GPAT4: variants seen among roughly 807,000 people sequenced by gnomAD.
The protein encoded by GPAT4 is glycerol-3-phosphate acyltransferase 4, also known as 1-AGP acyltransferase 6.
Under a neutral mutation model 58.0 loss-of-function variants are expected in GPAT4, and 17 were observed. The ratio of observed to expected loss-of-function variants is 0.29; its 90% CI spans 0.20 to 0.44. The LOEUF (loss-of-function observed/expected upper bound fraction) is 0.44. Among genes scored for constraint, GPAT4 ranks in the 20% least tolerant of loss-of-function variants. The probability of loss-of-function intolerance (pLI) is 1.00; values close to 1 mark genes in which losing one functional copy is unlikely to be tolerated. For missense variants in GPAT4, 377 were observed against 574.5 expected (o/e 0.66, Z 3.51); for synonymous variants, 204 against 210.1 (o/e 0.97, Z 0.25).
At chr8:41,596,304 C>CTT (rs1421940072) in intron 1 of GPAT4, among the ~76,000 whole-genome samples, 2 of 152,156 alleles carry the variant, frequency 1.3e-5, no homozygotes, top group Non-Finnish European at 2.9e-5. Flanking sequence ...CACACACACA[C>CTT]TTTTACAGTT....
chr8:41,615,575 G>A (rs757933591), intron 10 of GPAT4, among the ~76,000 whole-genome samples: 17 of 151,946 alleles, frequency 1.1e-4, no homozygotes, highest in Non-Finnish European at 2.1e-4. Flanking sequence ...TCTAGTCTAC[G>A]TCGACCCTTT....
Position 41,612,973 on chromosome 8 carries a change from A to G in GPAT4, c.911+13A>G, listed in dbSNP as rs1276967832. 1 of 1,611,452 alleles carries G rather than the reference A, an allele frequency of 6.2e-7. No homozygotes were observed. ...TGGTGGCTAAGAGGTAATGGACAGA[A>G]CACTGCTGTTCTGCTTGGCCAGTTA... On this transcript the variant is annotated intron_variant, in intron 8 of 12. Transcript: ENST00000396987.
chr8:41,582,444 T>TACACACACACAC (rs71548104), intron 1 of GPAT4, among the ~76,000 whole-genome samples: 70 of 141,710 alleles, frequency 4.9e-4, no homozygotes, highest in East Asian at 2.1e-3. Context: ...TGGGAAAGTA[T>TACACACACACAC]ACACACACAC....
intron 2 of GPAT4, among the ~76,000 whole-genome samples, chr8:41,600,721 C>G (rs1426254509): frequency 6.6e-6 from 1 of 152,068 alleles, no homozygotes; most frequent in East Asian, 1.9e-4. Context: ...TTTCATCAGT[C>G]CAAAGGAAAC....
At position 41,622,787 on chromosome 8, in the gene GPAT4, C is replaced by T. The variant is rs1288159165; in HGVS notation, c.*1786C>T. The T allele has an allele frequency of 6.6e-6, 1 of 151,156 alleles. No individual in the cohort carries two copies. The allele number at this position is 151,156 out of a possible 1,614,324, so 9.4% of individuals were successfully genotyped here. ...TGCCAGCCCGGGGGAAATCTTTTTG[C>T]TCTCAAATGAAGACTGAAAAAATAA... On this transcript the variant is annotated 3_prime_UTR_variant, in exon 13 of 13. Coordinates refer to ENST00000396987, the MANE Select transcript of GPAT4 (RefSeq NM_178819.4).
At position 41,610,806 on chromosome 8, in the gene GPAT4, G is replaced by T. The variant is rs762573991; in HGVS notation, c.607G>T (p.Gly203Trp). The change falls in exon 5 of 13, where the codon GGG becomes TGG. Residue 203 changes from glycine to tryptophan, a missense_variant. Gly to Trp is a radical substitution (Grantham distance 184). Coordinates refer to ENST00000396987, the MANE Select transcript of GPAT4 (RefSeq NM_178819.4). ...AACTGTGGTGGGATACTTGCCAAAT[G>T]GGAGGTGAGTAGAGTGTGGCAGTCC... ...GTTVVGYLPN[G>W]RFKEFMSKHV... 1 of 1,610,498 alleles carries T rather than the reference G, an allele frequency of 6.2e-7. No individual in the cohort carries two copies. The highest frequency in any genetic ancestry group is 1.3e-5 in the African/African-American group (1 of 74,842).
At chr8:41,610,192 T>A (rs1459903796) in intron 4 of GPAT4, 1 of 1,370,300 alleles carries the variant, frequency 7.3e-7, no homozygotes, top group Admixed American at 3.4e-5. Flanking sequence ...CTTCTCTAGA[T>A]GACAGCAAAC....
chr8:41,618,924 G>A lies in GPAT4; in HGVS notation c.1209G>A (p.Ala403=), dbSNP rs138474493. The change falls in exon 12 of 13, where the codon GCG becomes GCA. Residue 403 remains alanine (A), a synonymous_variant. Transcript: ENST00000396987. ...READEDAVQF[A]NRVKSAIARQ... ...CAGATGAAGATGCTGTCCAGTTTGC[G>A]AATAGGGTGAAATCTGCCATTGCCA... 404 of 1,614,092 alleles carry A rather than the reference G, an allele frequency of 2.5e-4. No homozygotes were observed. The highest frequency in any genetic ancestry group is 3.1e-4 in the Non-Finnish European group (369 of 1,180,048).
chr8:41,592,957 T>C (rs1346509051), intron 1 of GPAT4, among the ~76,000 whole-genome samples: 1 of 152,186 alleles, frequency 6.6e-6, no homozygotes, highest in African/African-American at 2.4e-5. Context: ...ATCCTTTTCA[T>C]TTTTTATCCA....
intron 10 of GPAT4, among the ~76,000 whole-genome samples, chr8:41,616,005 T>C (rs1040315782): frequency 1.3e-5 from 2 of 152,046 alleles, no homozygotes; most frequent in African/African-American, 4.8e-5. Flanking sequence ...GGGACTCTGA[T>C]TGACAGGCTA....
In GPAT4 at chr8:41,622,172, C is replaced by T. The variant is rs1803772049; in HGVS notation, c.*1171C>T. The T allele has an allele frequency of 6.6e-6, 1 of 152,036 alleles. No individual in the cohort carries two copies. 9.4% of individuals were successfully genotyped at this position (152,036 alleles called of 1,614,324 possible). On this transcript the variant is annotated 3_prime_UTR_variant, in exon 13 of 13. Coordinates refer to ENST00000396987, the MANE Select transcript of GPAT4 (RefSeq NM_178819.4). ...GTGTGTGCGGGTCGCTGATGTGAGG[C>T]CTAGGGGAAGCAATGAGTAAACTCC...
Position 41,581,805 on chromosome 8 carries a change from T to G in GPAT4, c.-849+3527T>G, listed in dbSNP as rs1412283496. Among the ~76,000 whole-genome samples, 130 of 150,860 alleles carry G rather than the reference T, an allele frequency of 8.6e-4. 2 individuals carry two copies. The highest frequency in any genetic ancestry group is 8.5e-3 in the Admixed American group (129 of 15,130). On this transcript the variant is annotated intron_variant, in intron 1 of 12. Coordinates refer to ENST00000396987, the MANE Select transcript of GPAT4 (RefSeq NM_178819.4). ...CACCACGCCCGGCTAATTTTTTTTT[T>G]GTATTTTTTAGTAGAGACAGGGTTT...
rs1168464357 is a variant in GPAT4, at chr8:41,598,332, TCA to T, written c.-806_-805del. On this transcript the variant is annotated 5_prime_UTR_variant, in exon 2 of 13. Transcript: ENST00000396987. ...AGCAGCTGTTTGCCAAGAACCCAGGTCACTGCTAAGAAAGGGTGCCTTCGGGA... is the reference window on the plus strand; with the variant it reads ...AGCAGCTGTTTGCCAAGAACCCAGGTCTGCTAAGAAAGGGTGCCTTCGGGA... 1 of 152,258 alleles carries T rather than the reference TCA, an allele frequency of 6.6e-6. No homozygotes were observed. Among genetic ancestry groups the T allele is most frequent in the Non-Finnish European group, 1.5e-5 (1 of 68,074 alleles). The allele number at this position is 152,258 out of a possible 1,614,324, so 9.4% of individuals were successfully genotyped here. A position where few individuals can be genotyped will look rare whatever the true frequency, so the allele number is the denominator to read the frequency against.
intron 2 of GPAT4, among the ~76,000 whole-genome samples, chr8:41,607,357 G>A (rs769090763): frequency 1.3e-5 from 2 of 152,180 alleles, no homozygotes; most frequent in Non-Finnish European, 2.9e-5. Context: ...ACTAGGAGAT[G>A]TAGAATCTCA....
In GPAT4 at chr8:41,596,184, G is replaced by A. The variant is rs927005307; in HGVS notation, c.-848-2108G>A. 2.0e-5 allele frequency among the ~76,000 whole-genome samples: 3 copies of A among 152,038 alleles called. No individual in the cohort carries two copies. The East Asian group carries it at 5.8e-4, about 29-fold the overall frequency. ...CAGTCCTTTCTTGAAAATTTTCAAC[G>A]TAGTTCCTAGTGGGGTGGGCTTATT... On this transcript the variant is annotated intron_variant, in intron 1 of 12. Transcript: ENST00000396987.
intron 2 of GPAT4, among the ~76,000 whole-genome samples, chr8:41,603,169 C>T (rs1045567917): frequency 4.6e-5 from 7 of 152,138 alleles, no homozygotes; most frequent in African/African-American, 9.7e-5. Context: ...GTTCAGAGAT[C>T]GTCTTCATTT....
At position 41,623,705 on chromosome 8, in the gene GPAT4, G is replaced by A. The variant is rs749541; in HGVS notation, c.*2704G>A. 0.23 allele frequency: 35,486 copies of A among 152,196 alleles called. 4,186 individuals are homozygous for A. The highest frequency in any genetic ancestry group is 0.29 in the East Asian group (1,506 of 5,172). The allele number at this position is 152,196 out of a possible 1,614,324, so 9.4% of individuals were successfully genotyped here. On this transcript the variant is annotated 3_prime_UTR_variant, in exon 13 of 13. Coordinates refer to ENST00000396987, the MANE Select transcript of GPAT4 (RefSeq NM_178819.4). ...GGGCTAGTGGAACTAACCCACTTGA[G>A]GGTGACCTCAAGGGCTTTAGGCAGC...
At chr8:41,587,314 A>G (rs980302843) in intron 1 of GPAT4, among the ~76,000 whole-genome samples, 10 of 152,238 alleles carry the variant, frequency 6.6e-5, no homozygotes, top group African/African-American at 2.2e-4. Context: ...CCTTTAGGCA[A>G]AAGTGGTAGT....
intron 2 of GPAT4, 144 bp from the exon 3 acceptor site, chr8:41,609,272 T>G: frequency 1.8e-5 from 15 of 842,572 alleles, no homozygotes; most frequent in Non-Finnish European, 2.7e-5. Context: ...AGAGGTGGTT[T>G]GAGTTTCCTT....
Sources: allele counts gnomAD v4.1 joint callset (sites outside exome capture counted in the v4.1 genomes callset), GRCh38; gene constraint gnomAD v4.1.1; transcripts MANE v1.5; gene names NCBI Gene and HGNC (gene_info 2026-07-23, HGNC 2026-07-21).